The following CACNG2 variants were observed in gnomAD, a reference collection of about 807,000 sequenced individuals.
CACNG2 encodes the protein calcium voltage-gated channel auxiliary subunit gamma 2, also known as voltage-dependent calcium channel gamma-2 subunit.
Under a neutral mutation model 25.9 loss-of-function variants are expected in CACNG2, and 3 were observed. That is an observed-to-expected ratio of 0.12 (90% confidence interval 0.05 to 0.30). CACNG2 has a LOEUF of 0.30. Ranked by LOEUF, CACNG2 falls within the 10% of genes least tolerant of loss-of-function variation. CACNG2 has a pLI of 1.00. For synonymous variants in CACNG2, 167 were observed against 173.3 expected, an observed-to-expected ratio of 0.96 and a Z score of 0.29; for missense variants, 341 against 432.5, an observed-to-expected ratio of 0.79 and a Z score of 1.88.
At chr22:36,699,237 T>TCACACACA (rs3076293) in intron 1 of CACNG2, among the ~76,000 whole-genome samples, 4,202 of 141,842 alleles carry the variant, frequency 0.03, 132 homozygotes, top group Admixed American at 0.083. Flanking sequence ...GATTTCAAGT[T>TCACACACA]CACACACACA....
At chr22:36,624,129 G>C (rs1365185543) in intron 1 of CACNG2, among the ~76,000 whole-genome samples, 1 of 152,120 alleles carries the variant, frequency 6.6e-6, no homozygotes, top group Non-Finnish European at 1.5e-5. Context: ...CAGGGGACCA[G>C]ATTCCCTGGA....
At chr22:36,629,798 T>C (rs976576809) in intron 1 of CACNG2, among the ~76,000 whole-genome samples, 1 of 152,196 alleles carries the variant, frequency 6.6e-6, no homozygotes, top group African/African-American at 2.4e-5. Context: ...AGAAAGTCTC[T>C]GCCTTTAGAG....
chr22:36,642,377 C>T (rs75704354), intron 1 of CACNG2, among the ~76,000 whole-genome samples: 1,643 of 152,246 alleles, frequency 0.011, 7 homozygotes, highest in Non-Finnish European at 0.018. Context: ...TTCATATTGC[C>T]TAGTAATCTG....
chr22:36,565,670 C>T lies in CACNG2; in HGVS notation c.436+683G>A, dbSNP rs946789775. Among the ~76,000 whole-genome samples the T allele has an allele frequency of 7.9e-5, 12 of 152,202 alleles. 1 individual carries two copies. Among genetic ancestry groups the T allele is most frequent in the African/African-American group, 2.9e-4 (12 of 41,534 alleles). On this transcript the variant is annotated intron_variant, in intron 3 of 3. Coordinates refer to ENST00000300105, the MANE Select transcript of CACNG2 (RefSeq NM_006078.5). ...TAAAATAAAAAAATTTCTGTAGAGA[C>T]GCGGTCTTGAGGCCTCGCTGTGTTG...
At chr22:36,660,971 G>A (rs915982870) in intron 1 of CACNG2, among the ~76,000 whole-genome samples, 1 of 152,256 alleles carries the variant, frequency 6.6e-6, no homozygotes, top group African/African-American at 2.4e-5. Context: ...ACCCAGCACA[G>A]GGCTTGGTGT....
rs1450446235 is a variant in CACNG2 at position 36,562,530 on chromosome 22, T to G, written c.*1821A>C. On this transcript the variant is annotated 3_prime_UTR_variant, in exon 4 of 4. Coordinates refer to ENST00000300105, the MANE Select transcript of CACNG2 (RefSeq NM_006078.5). ...GTATGTGTGCATGTGTGTGTTCATG[T>G]GTATGCTCTGTTGGGAGGTTGTGAA... 6.6e-6 allele frequency: 1 copy of G among 152,042 alleles called. No individual in the cohort carries two copies. The highest frequency in any genetic ancestry group is 1.5e-5 in the Non-Finnish European group (1 of 68,036). 9.4% of individuals were successfully genotyped at this position (152,042 alleles called of 1,614,324 possible).
chr22:36,642,727 C>G (rs145993986), intron 1 of CACNG2, among the ~76,000 whole-genome samples: 115 of 152,350 alleles, frequency 7.5e-4, no homozygotes, highest in Admixed American at 6.5e-4. Flanking sequence ...AGCATCATCA[C>G]TGAAACTTCT....
rs928139392 is a variant in CACNG2, at chr22:36,606,860, C to T, written c.212-19312G>A. Among the ~76,000 whole-genome samples, 5 of 146,042 alleles carry T rather than the reference C, an allele frequency of 3.4e-5. No individual in the cohort carries two copies. The highest frequency in any genetic ancestry group is 5.1e-5 in the African/African-American group (2 of 38,988). ...CTCTGTGTGTGTGTATGTATGTGTA[C>T]GTGTGTATGTCTGTGTGTGAGTCTG... On this transcript the variant is annotated intron_variant, in intron 1 of 3. Coordinates refer to ENST00000300105, the MANE Select transcript of CACNG2 (RefSeq NM_006078.5). This position sits in a 1 kb window ranked among gnomAD's most constrained non-coding sequence, Gnocchi z 5.7.
chr22:36,620,005 G>A (rs1008958931), intron 1 of CACNG2, among the ~76,000 whole-genome samples: 3 of 152,236 alleles, frequency 2.0e-5, no homozygotes, highest in Non-Finnish European at 2.9e-5. Flanking sequence ...GTTGGAAGGC[G>A]CCTCTGCAGA....
chr22:36,670,554 G>A (rs1311587372), intron 1 of CACNG2, among the ~76,000 whole-genome samples: 1 of 152,106 alleles, frequency 6.6e-6, no homozygotes, highest in Non-Finnish European at 1.5e-5. Context: ...CACCTCCAGG[G>A]CAGTGTTCTA....
At chr22:36,567,647 G>T (rs551601560) in intron 2 of CACNG2, among the ~76,000 whole-genome samples, 3 of 152,156 alleles carry the variant, frequency 2.0e-5, no homozygotes, top group East Asian at 1.9e-4. Flanking sequence ...ATGTGTTTGT[G>T]GGGGGAGCAG....
intron 1 of CACNG2, among the ~76,000 whole-genome samples, chr22:36,621,292 G>C (rs914787575): frequency 1.3e-5 from 2 of 152,202 alleles, no homozygotes; most frequent in African/African-American, 4.8e-5. Flanking sequence ...CGAATCACCT[G>C]AGGTCAGGAG....
At chr22:36,670,930 T>G (rs1936940578) in intron 1 of CACNG2, among the ~76,000 whole-genome samples, 1 of 151,752 alleles carries the variant, frequency 6.6e-6, no homozygotes, top group Non-Finnish European at 1.5e-5. Flanking sequence ...TCTTTTTTTT[T>G]TTTTTTTGAG....
chr22:36,679,189 CCTTCCTTCCTTTCTTTCTTT>C (rs1325427984), intron 1 of CACNG2, among the ~76,000 whole-genome samples: 187 of 69,330 alleles, frequency 2.7e-3, no homozygotes, highest in African/African-American at 0.012. Flanking sequence ...TTCCTTCCTT[CCTTCCTTCCTTTCTTTCTTT>C]CTTTCTTTCT....
In CACNG2 at chr22:36,597,026, AGTT is replaced by A. The variant is rs553256374; in HGVS notation, c.212-9481_212-9479del. Among the ~76,000 whole-genome samples, 370 of 151,076 alleles carry A rather than the reference AGTT, an allele frequency of 2.4e-3. 1 individual carries two copies. The highest frequency in any genetic ancestry group is 8.1e-3 in the African/African-American group (334 of 41,070). On this transcript the variant is annotated intron_variant, in intron 1 of 3. Transcript: ENST00000300105. ...CTCAGCCACTCAGAGTTCCTTCTTT[AGTT>A]GTTGTTGTTTTGAGATAGAGTCTCT...
At chr22:36,660,736 G>A (rs1283466052) in intron 1 of CACNG2, among the ~76,000 whole-genome samples, 1 of 152,238 alleles carries the variant, frequency 6.6e-6, no homozygotes, top group East Asian at 1.9e-4. Flanking sequence ...GCTGGGAGGT[G>A]TGGGTTGTTA....
chr22:36,586,786 T>C (rs559634846), intron 2 of CACNG2, among the ~76,000 whole-genome samples: 1 of 152,298 alleles, frequency 6.6e-6, no homozygotes, highest in African/African-American at 2.4e-5. Context: ...GGAAATCCCT[T>C]TCTCAGGGAA....
chr22:36,689,542 C>T (rs975939510), intron 1 of CACNG2, among the ~76,000 whole-genome samples: 1 of 152,098 alleles, frequency 6.6e-6, no homozygotes, highest in Non-Finnish European at 1.5e-5. Flanking sequence ...CAGGTCTGAC[C>T]ATTCTTTGAG....
At chr22:36,585,374 C>T (rs1018874495) in intron 2 of CACNG2, 18 of 152,228 alleles carry the variant, frequency 1.2e-4, no homozygotes, top group African/African-American at 4.1e-4. Flanking sequence ...TCATCCCCGT[C>T]TTCCAGCTTC....
Sources: allele counts gnomAD v4.1 joint callset (sites outside exome capture counted in the v4.1 genomes callset), GRCh38; gene constraint gnomAD v4.1.1; non-coding constraint Gnocchi (gnomAD v3.1); transcripts MANE v1.5; gene names NCBI Gene and HGNC (gene_info 2026-07-23, HGNC 2026-07-21).